MLLT10: variants seen among roughly 807,000 people sequenced by gnomAD.
MLLT10 encodes the protein MLLT10 histone lysine methyltransferase DOT1L cofactor, also known as protein AF-10.
A neutral mutation model predicts 129.1 loss-of-function variants in MLLT10; 30 were observed. The ratio of observed to expected loss-of-function variants is 0.23; its 90% CI spans 0.17 to 0.32. The LOEUF is 0.32. Among genes scored for constraint, MLLT10 ranks in the 10% least tolerant of loss-of-function variants. MLLT10 has a pLI of 1.00. For synonymous variants in MLLT10, 490 were observed against 446.4 expected (o/e 1.10, Z -1.23); for missense variants, 1,119 against 1,268.3 (o/e 0.88, Z 1.79).
intron 13 of MLLT10, among the ~76,000 whole-genome samples, chr10:21,705,310 A>G (rs2055387382): frequency 6.6e-6 from 1 of 152,130 alleles, no homozygotes; most frequent in East Asian, 1.9e-4. Flanking sequence ...CCCCAGGACA[A>G]GTGTTCAGGT....
rs1183692125 is a variant in MLLT10, at chr10:21,734,045, C to T, written c.2774C>T (p.Thr925Ile). 6.2e-7 allele frequency: 1 copy of T among 1,614,180 alleles called. No individual in the cohort carries two copies. Among genetic ancestry groups the T allele is most frequent in the Non-Finnish European group, 8.5e-7 (1 of 1,180,024 alleles). ...AATGGGGTTATGCAGACTCCTGTCA[C>T]AATGTCCCAGAACCCTACCCCTCTC... The part of the protein sequence containing the change: ...ALNGVMQTPV[T>I]MSQNPTPLTH... The change falls in exon 20 of 23, where the codon ACA (threonine) becomes ATA (isoleucine). Residue 925 changes from threonine to isoleucine, a missense_variant. By Grantham distance (89) the Thr-to-Ile change is moderately conservative (BLOSUM62 -1). Transcript: ENST00000307729.
chr10:21,709,774 G>C (rs997451108), intron 13 of MLLT10, among the ~76,000 whole-genome samples: 5 of 151,732 alleles, frequency 3.3e-5, no homozygotes, highest in Non-Finnish European at 5.9e-5. Flanking sequence ...AGACGGTCTT[G>C]TTCTGTCACT....
At chr10:21,708,833 G>A (rs1012222504) in intron 13 of MLLT10, 1 of 738,538 alleles carries the variant, frequency 1.4e-6, no homozygotes, top group Non-Finnish European at 1.7e-6. Flanking sequence ...AGTTACAACA[G>A]TGTACTTTCC....
At chr10:21,714,680 C>T (rs568282585) in intron 14 of MLLT10, among the ~76,000 whole-genome samples, 8 of 152,280 alleles carry the variant, frequency 5.3e-5, no homozygotes, top group South Asian at 2.1e-4. Context: ...TACAGGCACA[C>T]GCCACCATGC....
intron 3 of MLLT10, among the ~76,000 whole-genome samples, chr10:21,585,839 G>A (rs1286998557): frequency 6.6e-6 from 1 of 152,124 alleles, no homozygotes. Context: ...TTGGCTCACC[G>A]CAACCTGTAC....
intron 13 of MLLT10, among the ~76,000 whole-genome samples, chr10:21,692,863 A>G (rs2054007168): frequency 6.6e-6 from 1 of 152,204 alleles, no homozygotes; most frequent in Admixed American, 6.5e-5. Flanking sequence ...GAATGTGGCC[A>G]TTCTTTTATG....
chr10:21,573,986 C>T (rs2040480535), intron 3 of MLLT10, among the ~76,000 whole-genome samples: 1 of 152,066 alleles, frequency 6.6e-6, no homozygotes, highest in African/African-American at 2.4e-5. Context: ...TTGGTATATT[C>T]ATTGGTATTC....
At chr10:21,701,387 T>C (rs117168942) in intron 13 of MLLT10, among the ~76,000 whole-genome samples, 2,856 of 152,050 alleles carry the variant, frequency 0.019, 49 homozygotes, top group Non-Finnish European at 0.029. Context: ...CTTTTCTAGT[T>C]CCTTGAGGTG....
chr10:21,616,978 G>A (rs1346479493), intron 7 of MLLT10, 134 bp from the exon 8 acceptor site: 9 of 336,494 alleles, frequency 2.7e-5, no homozygotes, highest in Middle Eastern at 8.9e-4. Context: ...GGATTATATA[G>A]ATTGAAATAG....
intron 10 of MLLT10, 51 bp from the exon 11 acceptor site, chr10:21,673,299 T>C: frequency 1.3e-6 from 1 of 774,318 alleles, no homozygotes; most frequent in Non-Finnish European, 1.9e-6. Flanking sequence ...CCAATTTTTC[T>C]GTCCCCCCCA....
intron 3 of MLLT10, among the ~76,000 whole-genome samples, chr10:21,567,999 G>T (rs2039784872): frequency 6.6e-6 from 1 of 151,972 alleles, no homozygotes; most frequent in Non-Finnish European, 1.5e-5. Context: ...TTTATTTTTA[G>T]TAGAGATGGG....
intron 3 of MLLT10, among the ~76,000 whole-genome samples, chr10:21,552,266 A>G (rs1163996035): frequency 6.7e-6 from 1 of 150,214 alleles, no homozygotes; most frequent in Non-Finnish European, 1.5e-5. Flanking sequence ...CAGTGTTATT[A>G]CTTTTTGGTG....
intron 13 of MLLT10, among the ~76,000 whole-genome samples, 167 bp from the exon 14 acceptor site, chr10:21,713,605 A>C (rs1453425090): frequency 3.3e-5 from 5 of 152,236 alleles, no homozygotes; most frequent in Admixed American, 2.0e-4. Flanking sequence ...CTTCATGAGA[A>C]GTCAGTGTTT....
At chr10:21,657,486 C>T (rs558018834) in intron 9 of MLLT10, among the ~76,000 whole-genome samples, 9 of 150,636 alleles carry the variant, frequency 6.0e-5, no homozygotes, top group East Asian at 2.0e-4. Context: ...TAAAGAAATT[C>T]GTAGATGCTT....
intron 13 of MLLT10, among the ~76,000 whole-genome samples, chr10:21,709,786 A>C (rs2055896267): frequency 6.6e-6 from 1 of 151,524 alleles, no homozygotes; most frequent in African/African-American, 2.4e-5. Flanking sequence ...TCTGTCACTG[A>C]GGCTGGAGTG....
chr10:21,598,901 T>C (rs2043254057), intron 5 of MLLT10, among the ~76,000 whole-genome samples: 1 of 151,434 alleles, frequency 6.6e-6, no homozygotes, highest in Non-Finnish European at 1.5e-5. Flanking sequence ...AAAAATTGGC[T>C]GGGCCTGCTG....
chr10:21,564,095 A>C (rs1021335327), intron 3 of MLLT10, among the ~76,000 whole-genome samples: 3 of 152,104 alleles, frequency 2.0e-5, no homozygotes, highest in African/African-American at 4.8e-5. Context: ...TACAGGCATG[A>C]GCCACCGTGC....
intron 13 of MLLT10, among the ~76,000 whole-genome samples, chr10:21,693,148 C>T (rs546940221): frequency 4.6e-5 from 7 of 152,016 alleles, no homozygotes; most frequent in Non-Finnish European, 7.4e-5. Context: ...TATTTTTATA[C>T]TTTATTTGAG....
chr10:21,621,227 C>T (rs2045810491), intron 8 of MLLT10, among the ~76,000 whole-genome samples: 1 of 143,614 alleles, frequency 7.0e-6, no homozygotes, highest in Non-Finnish European at 1.5e-5. Flanking sequence ...ATCTCCTGAC[C>T]TCGTGATCCG....
Sources: allele counts gnomAD v4.1 joint callset (sites outside exome capture counted in the v4.1 genomes callset), GRCh38; gene constraint gnomAD v4.1.1; transcripts MANE v1.5; gene names NCBI Gene and HGNC (gene_info 2026-07-23, HGNC 2026-07-21).